The following MGST2 variants were observed in gnomAD, a reference collection of about 807,000 sequenced individuals.
MGST2 encodes glutathione peroxidase MGST2.
Under a neutral mutation model 16.6 loss-of-function variants are expected in MGST2, and 9 were observed. The ratio of observed to expected loss-of-function variants is 0.54; its 90% CI spans 0.33 to 0.95. The LOEUF is 0.95. Among genes scored for constraint, MGST2 ranks in the 40% least tolerant of loss-of-function variants. The pLI, the probability that MGST2 is intolerant of heterozygous loss-of-function variation, is 0.03. For missense variants in MGST2, 159 were observed against 175.1 expected, an observed-to-expected ratio of 0.91 and a Z score of 0.52; for synonymous variants, 79 against 68.0, an observed-to-expected ratio of 1.16 and a Z score of -0.79.
intron 5 of MGST2, chr4:139,720,099 T>A (rs764275590): frequency 1.9e-6 from 3 of 1,614,082 alleles, no homozygotes; most frequent in East Asian, 4.5e-5. Context: ...TGCTGCAACA[T>A]TTGGGTCATG....
At chr4:139,733,138 G>A (rs982007325) in intron 5 of MGST2, among the ~76,000 whole-genome samples, 8 of 152,146 alleles carry the variant, frequency 5.3e-5, no homozygotes, top group African/African-American at 1.9e-4. Flanking sequence ...ATGGCTGATT[G>A]GCTTTACACT....
exon 6 of MGST2, chr4:139,740,266 T>A (rs1474656238): frequency 2.6e-5 from 4 of 152,180 alleles, no homozygotes; most frequent in Non-Finnish European, 4.4e-5. Flanking sequence ...GTTCAAGAAC[T>A]CGAGAGGTGG....
Position 139,678,628 on chromosome 4 carries a change from A to G in MGST2, c.144A>G (p.Arg48=). Residue 48 remains arginine, a synonymous_variant, in exon 2 of 5, where the codon AGA becomes AGG. Coordinates refer to ENST00000265498, the MANE Select transcript of MGST2 (RefSeq NM_002413.5). ...PAVTGSPEFE[R]VFRAQQNCVE... The stretch of plus-strand genomic sequence containing the variant: ...TCACTGGGTCACCAGAGTTTGAGAG[A>G]GTATTTCGGGCACAGTAAGTAATGC... The G allele has an allele frequency of 6.2e-7, 1 of 1,613,454 alleles. No individual in the cohort carries two copies. Among genetic ancestry groups the G allele is most frequent in the South Asian group, 1.1e-5 (1 of 91,068 alleles).
At chr4:139,704,995 A>G (rs1321492320), downstream of MGST2, among the ~76,000 whole-genome samples, 1 of 152,206 alleles carries the variant, frequency 6.6e-6, no homozygotes, top group Non-Finnish European at 1.5e-5. Context: ...TTCCAGGCCA[A>G]AAGAGCTTGC....
intron 3 of MGST2, among the ~76,000 whole-genome samples, chr4:139,702,844 G>GT (rs70943436): frequency 0.046 from 2,111 of 46,376 alleles, 212 homozygotes; most frequent in African/African-American, 0.11. Context: ...TGTGTTACTG[G>GT]TTTTTTTTTT....
chr4:139,744,552 G>A (rs914138044), downstream of MGST2, among the ~76,000 whole-genome samples: 2 of 152,166 alleles, frequency 1.3e-5, no homozygotes, highest in African/African-American at 2.4e-5. Context: ...AATGTGTGGC[G>A]TGTATATTTT....
intron 5 of MGST2, chr4:139,719,879 C>T (rs775089687): frequency 1.2e-6 from 2 of 1,613,964 alleles, no homozygotes; most frequent in Admixed American, 3.3e-5. Flanking sequence ...CTGGACTGTT[C>T]CCATAAGGCT....
At position 139,735,738 on chromosome 4, in the gene MGST2, G is replaced by T. The variant is rs941965900; in HGVS notation, c.*49-4474G>T. Among the ~76,000 whole-genome samples the T allele has an allele frequency of 6.6e-6, 1 of 152,210 alleles. No homozygotes were observed. Among genetic ancestry groups the T allele is most frequent in the Non-Finnish European group, 1.5e-5 (1 of 68,028 alleles). On this transcript the variant is annotated intron_variant, in intron 5 of 5. Transcript: ENST00000616265. The surrounding 1 kb of genome is among the most constrained non-coding windows in gnomAD (Gnocchi z 5.8). ...CCTATATGCTTACAAGTCCTCAGGG[G>T]ACTCCGGCTAGGAAGTCAGGAGTGG...
downstream of MGST2, among the ~76,000 whole-genome samples, chr4:139,741,949 T>C (rs559210858): frequency 6.6e-6 from 1 of 152,228 alleles, no homozygotes; most frequent in East Asian, 1.9e-4. Context: ...AAAATAGAAA[T>C]GGCTCAGGTA....
At chr4:139,730,963 A>G (rs992564091) in intron 5 of MGST2, 3 of 395,812 alleles carry the variant, frequency 7.6e-6, no homozygotes, top group Admixed American at 7.6e-5. Context: ...TTCAACTAAC[A>G]TCCTGTGTTC....
chr4:139,743,213 AC>A (rs1369696706), downstream of MGST2, among the ~76,000 whole-genome samples: 2 of 152,182 alleles, frequency 1.3e-5, no homozygotes, highest in East Asian at 3.8e-4. Flanking sequence ...AACCATTACC[AC>A]TTCTCTCCAA....
chr4:139,675,704 C>T (rs1471213148), intron 1 of MGST2, among the ~76,000 whole-genome samples: 2 of 152,118 alleles, frequency 1.3e-5, no homozygotes, highest in African/African-American at 4.8e-5. Flanking sequence ...GCTGCCTCAG[C>T]GAGAGGACTG....
At chr4:139,732,301 T>A (rs930278810) in intron 5 of MGST2, among the ~76,000 whole-genome samples, 1 of 152,350 alleles carries the variant, frequency 6.6e-6, no homozygotes, top group Non-Finnish European at 1.5e-5. Flanking sequence ...TGATTCCCTA[T>A]GGCTTGGGCT....
At chr4:139,669,573 TC>T (rs1243253287) in intron 1 of MGST2, among the ~76,000 whole-genome samples, 1 of 151,918 alleles carries the variant, frequency 6.6e-6, no homozygotes, top group African/African-American at 2.4e-5. Flanking sequence ...CATCCTAAGG[TC>T]CTTCTTCGAA....
chr4:139,753,246 G>A, the MGST2 span, among the ~76,000 whole-genome samples: 9 of 152,156 alleles, frequency 5.9e-5, no homozygotes, highest in Middle Eastern at 3.4e-3. Context: ...TTGTGTGATC[G>A]ATACCATGAT....
At chr4:139,700,743 G>A (rs1435816624) in intron 3 of MGST2, among the ~76,000 whole-genome samples, 2 of 152,180 alleles carry the variant, frequency 1.3e-5, no homozygotes. Context: ...CTATTTGACT[G>A]GGGTATCCTT....
the MGST2 span, among the ~76,000 whole-genome samples, chr4:139,748,762 A>AGT: frequency 6.3e-4 from 59 of 93,874 alleles, no homozygotes; most frequent in African/African-American, 2.8e-3. Context: ...GAGCAATTTC[A>AGT]AGCTCCGAGG....
chr4:139,711,785 C>T (rs555464854), intron 5 of MGST2, among the ~76,000 whole-genome samples: 4 of 152,260 alleles, frequency 2.6e-5, no homozygotes, highest in South Asian at 2.1e-4. Context: ...ATGGAGTTGC[C>T]GCCTCTGACA....
intron 5 of MGST2, among the ~76,000 whole-genome samples, chr4:139,716,136 C>CTGAG (rs772601856): frequency 2.1e-4 from 32 of 152,168 alleles, no homozygotes; most frequent in South Asian, 6.2e-4. Context: ...AAAATTATAT[C>CTGAG]TGAGTTTGTT....
Sources: allele counts gnomAD v4.1 joint callset (sites outside exome capture counted in the v4.1 genomes callset), GRCh38; gene constraint gnomAD v4.1.1; non-coding constraint Gnocchi (gnomAD v3.1); transcripts MANE v1.5; gene names NCBI Gene and HGNC (gene_info 2026-07-23, HGNC 2026-07-21).